Variants in EYS observed in about 807,000 individuals in gnomAD.
EYS encodes EGF-like photoreceptor maintenance factor.
EYS carries 250 observed loss-of-function variants against 282.1 expected under a neutral mutation model. The ratio of observed to expected loss-of-function variants is 0.89; its 90% CI spans 0.80 to 0.98. The LOEUF (loss-of-function observed/expected upper bound fraction) is 0.98. EYS is among the 50% of genes least tolerant of loss of function. The pLI is 0.00. For missense variants in EYS, 4,016 were observed against 3,709.0 expected (o/e 1.08, Z -2.15); for synonymous variants, 1,355 against 1,282.9 (o/e 1.06, Z -1.20).
chr6:65,526,529 G>A lies in EYS; in HGVS notation c.-332-30536C>T, dbSNP rs2127302939. ...CCTGTCTTTTTTAGTTTATTCAAAA[G>A]GCTGCTTGGCTCACGCCTGTAATCC... On this transcript the variant is annotated intron_variant, in intron 2 of 42. Transcript: ENST00000503581. Among the ~76,000 whole-genome samples, 3 of 152,278 alleles carry A rather than the reference G, an allele frequency of 2.0e-5. No homozygotes were observed. The South Asian group carries it at 6.2e-4, about 32-fold the overall frequency.
intron 16 of EYS, among the ~76,000 whole-genome samples, chr6:64,912,052 C>A (rs1396304394): frequency 6.6e-6 from 1 of 152,080 alleles, no homozygotes; most frequent in Non-Finnish European, 1.5e-5. Flanking sequence ...ACTAAACAAT[C>A]TAAGTAGAAA....
Position 65,688,653 on chromosome 6 carries a change from C to T in EYS, c.-448+18482G>A, listed in dbSNP as rs183012970. 9.8e-3 allele frequency among the ~76,000 whole-genome samples: 1,484 copies of T among 152,162 alleles called. 8 individuals carry two copies. The highest frequency in any genetic ancestry group is 0.016 in the Non-Finnish European group (1,073 of 68,014). The stretch of plus-strand genomic sequence containing the variant: ...AAAAAGGGATAATATCCAGAATCTA[C>T]AATGAACTGAAACAAATTTACAAGA... On this transcript the variant is annotated intron_variant, in intron 1 of 42. Transcript: ENST00000503581.
chr6:65,534,234 C>A (rs912892993), intron 2 of EYS, among the ~76,000 whole-genome samples: 12 of 152,040 alleles, frequency 7.9e-5, no homozygotes, highest in African/African-American at 2.9e-4. Flanking sequence ...ATGCTGCGTG[C>A]TATCTAGATT....
intron 30 of EYS, among the ~76,000 whole-genome samples, chr6:64,278,365 T>G (rs572523625): frequency 6.6e-6 from 1 of 152,178 alleles, no homozygotes; most frequent in Non-Finnish European, 1.5e-5. Context: ...TTTTTAATAA[T>G]GAAATTATTC....
chr6:65,104,264 G>C (rs1182186398), intron 12 of EYS, among the ~76,000 whole-genome samples: 1 of 151,384 alleles, frequency 6.6e-6, no homozygotes, highest in Admixed American at 6.6e-5. Flanking sequence ...CTTTGTGGGA[G>C]AAACAGATTA....
intron 5 of EYS, among the ~76,000 whole-genome samples, chr6:65,452,754 T>A (rs1764452376): frequency 6.6e-6 from 1 of 151,974 alleles, no homozygotes; most frequent in Admixed American, 6.6e-5. Flanking sequence ...AAGATATTGG[T>A]CTTCTTATAT....
Position 65,251,456 on chromosome 6 carries a change from C to CAA in EYS, c.2023+44405_2023+44406dup, listed in dbSNP as rs5876955. Among the ~76,000 whole-genome samples, 574 of 146,902 alleles carry CAA rather than the reference C, an allele frequency of 3.9e-3. 3 individuals carry two copies. Among genetic ancestry groups the CAA allele is most frequent in the African/African-American group, 0.012 (466 of 39,616 alleles). On this transcript the variant is annotated intron_variant, in intron 12 of 42. Coordinates refer to ENST00000503581, the MANE Select transcript of EYS (RefSeq NM_001142800.2). The stretch of plus-strand genomic sequence containing the variant: ...GTTATAAGTTCCTAGGATTTCCAAA[C>CAA]AAAAAAAAACAACAAAAATGAAATC...
chr6:65,165,625 C>G (rs534619653), intron 12 of EYS, among the ~76,000 whole-genome samples: 1 of 150,848 alleles, frequency 6.6e-6, no homozygotes, highest in South Asian at 2.1e-4. Flanking sequence ...CAAGACCTAC[C>G]AAAAGAAAAT....
chr6:64,803,523 C>G (rs1764325915), intron 22 of EYS, among the ~76,000 whole-genome samples: 1 of 152,166 alleles, frequency 6.6e-6, no homozygotes, highest in African/African-American at 2.4e-5. Flanking sequence ...TTCACGCCTT[C>G]CCTGGCTTGA....
chr6:65,388,997 T>G (rs1765902017), intron 7 of EYS, among the ~76,000 whole-genome samples: 1 of 152,078 alleles, frequency 6.6e-6, no homozygotes, highest in Non-Finnish European at 1.5e-5. Flanking sequence ...CAACCCCTTC[T>G]TATTATGCCC....
chr6:64,693,887 T>C (rs1405022212), intron 22 of EYS, among the ~76,000 whole-genome samples: 1 of 152,154 alleles, frequency 6.6e-6, no homozygotes, highest in Non-Finnish European at 1.5e-5. Context: ...TACTCATACA[T>C]ATATTTGTTC....
At chr6:63,937,940 T>C (rs772217769) in intron 35 of EYS, among the ~76,000 whole-genome samples, 23 of 152,240 alleles carry the variant, frequency 1.5e-4, no homozygotes, top group Non-Finnish European at 2.9e-4. Flanking sequence ...AAATTTCCGC[T>C]GTGTCAAAAT....
chr6:64,462,406 T>G (rs1057342304), intron 26 of EYS, among the ~76,000 whole-genome samples: 12 of 152,342 alleles, frequency 7.9e-5, no homozygotes, highest in African/African-American at 2.9e-4. Flanking sequence ...TTATGCAGAA[T>G]TCTCTGACAT....
intron 2 of EYS, among the ~76,000 whole-genome samples, chr6:65,598,161 A>G (rs1294388498): frequency 6.7e-6 from 1 of 149,226 alleles, no homozygotes; most frequent in Non-Finnish European, 1.5e-5. Flanking sequence ...TTAAGTCCTC[A>G]CTGCTAAATG....
intron 14 of EYS, among the ~76,000 whole-genome samples, chr6:64,996,288 A>G (rs1771260119): frequency 6.6e-6 from 1 of 152,114 alleles, no homozygotes; most frequent in Non-Finnish European, 1.5e-5. Flanking sequence ...AGTTTATTAT[A>G]TTATTATTTA....
intron 13 of EYS, among the ~76,000 whole-genome samples, chr6:65,013,099 T>C (rs1459674097): frequency 6.6e-6 from 1 of 152,174 alleles, no homozygotes; most frequent in African/African-American, 2.4e-5. Flanking sequence ...TTGTCTTTAA[T>C]GAAAAGTTCC....
chr6:64,838,873 A>AT (rs1006984320), intron 19 of EYS, among the ~76,000 whole-genome samples: 2 of 151,992 alleles, frequency 1.3e-5, no homozygotes, highest in Admixed American at 6.6e-5. Context: ...CTATGATACA[A>AT]TTTTTTGCAT....
chr6:64,693,962 TA>T (rs1030633958), intron 22 of EYS, among the ~76,000 whole-genome samples: 3 of 152,252 alleles, frequency 2.0e-5, no homozygotes, highest in Non-Finnish European at 2.9e-5. Context: ...TCCTATCTTT[TA>T]AAAAATATAA....
At chr6:64,766,649 A>ATATATATATATATAT (rs1554201272) in intron 22 of EYS, among the ~76,000 whole-genome samples, 15 of 19,056 alleles carry the variant, frequency 7.9e-4, no homozygotes, top group South Asian at 2.2e-3. Flanking sequence ...AAAAAAAAAA[A>ATATATATATATATAT]ATATATATAT....
Sources: gnomAD v4.1 joint callset for allele counts (sites outside exome capture counted in the v4.1 genomes callset) on GRCh38, gnomAD v4.1.1 for gene constraint, MANE v1.5 for transcripts, NCBI Gene and HGNC (gene_info 2026-07-23, HGNC 2026-07-21) for gene names.